ZMYM2: variants seen among roughly 807,000 people sequenced by gnomAD.
The protein encoded by ZMYM2 is zinc finger MYM-type protein 2.
A neutral mutation model predicts 162.8 loss-of-function variants in ZMYM2; 56 were observed. That is an observed-to-expected ratio of 0.34 (90% CI 0.28 to 0.43). The LOEUF (loss-of-function observed/expected upper bound fraction) is 0.43, where lower values mean the gene tolerates loss of function less well. ZMYM2 is among the 20% of genes least tolerant of loss of function. The pLI, the probability that ZMYM2 is intolerant of heterozygous loss-of-function variation, is 1.00. For synonymous variants in ZMYM2, 510 were observed against 541.6 expected (o/e 0.94, Z 0.81); for missense variants, 1,275 against 1,621.8 (o/e 0.79, Z 3.67).
At position 20,031,360 on chromosome 13, in the gene ZMYM2, G is replaced by A. The variant is rs183448364; in HGVS notation, c.1893G>A (p.Ala631=). 17 of 1,608,508 alleles carry A rather than the reference G, an allele frequency of 1.1e-5. No individual in the cohort carries two copies. The highest frequency in any genetic ancestry group is 5.2e-5 in the Admixed American group (3 of 58,008). ...CATCTCCAAATGGCCAGTTTGTAGC[G>A]CCAAGTGATATTCAGTTGAAATGCA... ...MQSSPNGQFV[A]PSDIQLKCNY... is the part of the protein sequence containing the mutation. The change falls in exon 10 of 25, where the codon GCG becomes GCA. Residue 631 remains alanine, a synonymous_variant. Transcript: ENST00000610343.
intron 14 of ZMYM2, among the ~76,000 whole-genome samples, chr13:20,052,849 C>T (rs535960732): frequency 6.6e-6 from 1 of 152,234 alleles, no homozygotes; most frequent in East Asian, 1.9e-4. Flanking sequence ...GAAAATGAGG[C>T]TGAAGGAATA....
intron 18 of ZMYM2, 25 bp from the exon 19 acceptor site, chr13:20,064,426 A>G: frequency 6.4e-7 from 1 of 1,562,018 alleles, no homozygotes. Context: ...TTCATTTAAA[A>G]TAAAAGTTCT....
intron 2 of ZMYM2, among the ~76,000 whole-genome samples, chr13:19,968,589 T>G (rs912925467): frequency 3.9e-5 from 6 of 152,216 alleles, no homozygotes; most frequent in African/African-American, 9.6e-5. Flanking sequence ...TGTTGAGACC[T>G]TTAAGTGTCC....
At chr13:19,896,187 AG>A in the ZMYM2 span, among the ~76,000 whole-genome samples, 11 of 151,670 alleles carry the variant, frequency 7.3e-5, no homozygotes, top group Non-Finnish European at 1.2e-4. Flanking sequence ...TCTGTTGCCC[AG>A]GCTGGAGTGC....
In ZMYM2 at chr13:19,993,374, C is replaced by T. The variant is rs773295456; in HGVS notation, c.302C>T (p.Pro101Leu). The T allele has an allele frequency of 6.2e-7, 1 of 1,613,652 alleles. No homozygotes were observed. The highest frequency in any genetic ancestry group is 8.5e-7 in the Non-Finnish European group (1 of 1,179,800). ...CAAGGAAATGATTCCAAAATTACTC[C>T]TTCCTCAAAAGAGTTGGCATCTCAG... Reference protein sequence around the residue: ...ELQGNDSKITPSSKELASQKG... With the variant: ...ELQGNDSKITLSSKELASQKG... The change falls in exon 3 of 25, where the codon CCT becomes CTT. Residue 101 changes from proline to leucine, a missense_variant. By Grantham distance (98) the Pro-to-Leu change is moderately conservative. This residue lies in a region of ZMYM2 where 295 missense variants were observed against 286.7 expected (regional missense o/e 1.03). Coordinates refer to ENST00000610343, the MANE Select transcript of ZMYM2 (RefSeq NM_197968.4).
chr13:20,081,244 G>C (rs1382342913), intron 21 of ZMYM2, among the ~76,000 whole-genome samples: 1 of 152,104 alleles, frequency 6.6e-6, no homozygotes, highest in Non-Finnish European at 1.5e-5. Context: ...TAATTAACAT[G>C]TCTGCATTCA....
At chr13:20,034,475 C>A in intron 11 of ZMYM2, 71 bp downstream of exon 11, 1 of 1,326,308 alleles carries the variant, frequency 7.5e-7, no homozygotes, top group Non-Finnish European at 9.8e-7. Flanking sequence ...ATAATATATC[C>A]AGAGTGGCTG....
At chr13:19,927,900 T>G in the ZMYM2 span, among the ~76,000 whole-genome samples, 1 of 152,208 alleles carries the variant, frequency 6.6e-6, no homozygotes, top group Admixed American at 6.6e-5. Flanking sequence ...GTAATAAAAT[T>G]GAGCATCTTT....
At chr13:19,926,285 C>T in the ZMYM2 span, among the ~76,000 whole-genome samples, 1 of 150,466 alleles carries the variant, frequency 6.6e-6, no homozygotes, top group Non-Finnish European at 1.5e-5. Flanking sequence ...TTTAAAAGGG[C>T]TTCTCCAATT....
At chr13:20,064,717 CTAT>C (rs993945445) in intron 19 of ZMYM2, among the ~76,000 whole-genome samples, 172 bp downstream of exon 19, 5 of 142,176 alleles carry the variant, frequency 3.5e-5, no homozygotes, top group South Asian at 2.2e-4. Flanking sequence ...CTATTTATTA[CTAT>C]TATTTATTAC....
At chr13:19,971,778 TC>T (rs1168641311) in intron 2 of ZMYM2, among the ~76,000 whole-genome samples, 3 of 151,818 alleles carry the variant, frequency 2.0e-5, no homozygotes, top group Non-Finnish European at 2.9e-5. Context: ...TTAAGAATGA[TC>T]TCCAGATTTC....
At chr13:20,085,738 G>A in intron 24 of ZMYM2, 84 bp from the exon 25 acceptor site, 1 of 1,238,794 alleles carries the variant, frequency 8.1e-7, no homozygotes, top group Non-Finnish European at 1.1e-6. Context: ...GTGATTAATG[G>A]GGTCTGAATT....
In ZMYM2 at chr13:19,982,281, CTTT is replaced by C. The variant is rs56165263; in HGVS notation, c.-10-10761_-10-10759del. Among the ~76,000 whole-genome samples, 10 of 86,276 alleles carry C rather than the reference CTTT, an allele frequency of 1.2e-4. No homozygotes were observed. In the East Asian group the frequency reaches 2.2e-3, roughly 19 times the overall value. The allele number at this position is 86,276 out of a possible 152,430, so 56.6% of individuals were successfully genotyped here. A position where few individuals can be genotyped will look rare whatever the true frequency, so the allele number is the denominator to read the frequency against. Reference sequence around the variant, plus strand: ...TTTCACTGAGTTGTCTATTAGCTGTCTTTTTTTTTTTTTTTTTTTTTTTGGAGA... The same window carrying C: ...TTTCACTGAGTTGTCTATTAGCTGTCTTTTTTTTTTTTTTTTTTTTGGAGA... On this transcript the variant is annotated intron_variant, in intron 2 of 24. Transcript: ENST00000610343.
intron 21 of ZMYM2, chr13:20,067,962 C>T (rs894797247): frequency 2.5e-5 from 4 of 161,762 alleles, no homozygotes; most frequent in African/African-American, 9.6e-5. Context: ...GAGATCTCTT[C>T]AGAGTTTTGT....
At chr13:20,021,465 T>A (rs1192916862) in intron 7 of ZMYM2, among the ~76,000 whole-genome samples, 1 of 152,186 alleles carries the variant, frequency 6.6e-6, no homozygotes, top group African/African-American at 2.4e-5. Context: ...GTTGTATTAT[T>A]TTAAATGTTT....
At chr13:19,884,638 T>TAAG in the ZMYM2 span, among the ~76,000 whole-genome samples, 1 of 152,170 alleles carries the variant, frequency 6.6e-6, no homozygotes, top group African/African-American at 2.4e-5. Flanking sequence ...GACACGTACT[T>TAAG]AGTTTGGTCC....
the ZMYM2 span, among the ~76,000 whole-genome samples, chr13:19,896,436 A>G: frequency 8.0e-5 from 12 of 150,096 alleles, no homozygotes; most frequent in African/African-American, 3.0e-4. Context: ...GAGCCACTGC[A>G]CCCAGCCTCT....
intron 2 of ZMYM2, among the ~76,000 whole-genome samples, chr13:19,963,074 G>A (rs1228311883): frequency 6.6e-6 from 1 of 151,616 alleles, no homozygotes; most frequent in East Asian, 1.9e-4. Context: ...CCTGAGCTCC[G>A]GTGATCTGCC....
chr13:19,868,651 C>T, the ZMYM2 span, among the ~76,000 whole-genome samples: 3 of 152,160 alleles, frequency 2.0e-5, no homozygotes, highest in South Asian at 6.2e-4. Context: ...TGAATTCATA[C>T]TGAAACACAC....
Sources: gnomAD v4.1 joint callset for allele counts (sites outside exome capture counted in the v4.1 genomes callset) on GRCh38, gnomAD v4.1.1 for gene constraint, gnomAD v4.1.1 regional missense constraint, MANE v1.5 for transcripts, NCBI Gene and HGNC (gene_info 2026-07-23, HGNC 2026-07-21) for gene names.